The following ITPR1 variants were observed in gnomAD, a reference collection of about 807,000 sequenced individuals.
ITPR1 encodes inositol 1,4,5-trisphosphate receptor type 1, also known as inositol 1,4,5-trisphosphate-gated calcium channel ITPR1.
In ITPR1, 96 loss-of-function variants were observed where a neutral mutation model predicts 318.4. The ratio of observed to expected loss-of-function variants is 0.30; its 90% CI spans 0.26 to 0.36. The LOEUF (loss-of-function observed/expected upper bound fraction) is 0.36, where lower values mean the gene tolerates loss of function less well. ITPR1 is among the 10% of genes least tolerant of loss of function. The pLI is 1.00. For missense variants in ITPR1, 2,440 were observed against 3,460.2 expected (o/e 0.71, Z 7.40); for synonymous variants, 1,312 against 1,289.9 (o/e 1.02, Z -0.37).
intron 42 of ITPR1, among the ~76,000 whole-genome samples, chr3:4,730,053 CTTAAA>C (rs1027682231): frequency 2.7e-5 from 4 of 148,076 alleles, no homozygotes; most frequent in Non-Finnish European, 6.0e-5. Context: ...TTTAATTTTT[CTTAAA>C]TTAAACCACT....
chr3:4,749,930 T>C (rs1239590311), intron 44 of ITPR1: 1 of 152,786 alleles, frequency 6.5e-6, no homozygotes, highest in Non-Finnish European at 1.5e-5. Flanking sequence ...ACCTGATTTG[T>C]GTTTCCCTGT....
chr3:4,523,517 A>C lies in ITPR1; in HGVS notation c.163+2423A>C, dbSNP rs187254983. ...TTATTTGCTGTAGTCACTGTGTTGT[A>C]CAGTAGATCTCTGGAACTTATTCCT... On this transcript the variant is annotated intron_variant, in intron 4 of 61. Coordinates refer to ENST00000649015, the MANE Select transcript of ITPR1 (RefSeq NM_001378452.1). Among the ~76,000 whole-genome samples, 795 of 152,192 alleles carry C rather than the reference A, an allele frequency of 5.2e-3. 3 individuals are homozygous for C. Among genetic ancestry groups the C allele is most frequent in the Admixed American group, 9.4e-3 (143 of 15,286 alleles).
At chr3:4,762,568 A>C (rs930255474) in intron 44 of ITPR1, among the ~76,000 whole-genome samples, 1 of 152,206 alleles carries the variant, frequency 6.6e-6, no homozygotes, top group East Asian at 1.9e-4. Flanking sequence ...ATGTAATGGT[A>C]GTAGAAAAAC....
chr3:4,647,335 A>G (rs997490294), intron 10 of ITPR1, among the ~76,000 whole-genome samples: 1 of 152,190 alleles, frequency 6.6e-6, no homozygotes, highest in African/African-American at 2.4e-5. Context: ...ACTTCTGGCT[A>G]TTTCAAATAA....
chr3:4,798,013 C>G lies in ITPR1; in HGVS notation c.6932-2412C>G, dbSNP rs575890065. On this transcript the variant is annotated intron_variant, in intron 53 of 61. Coordinates refer to ENST00000649015, the MANE Select transcript of ITPR1 (RefSeq NM_001378452.1). ...AGAGTTGATTTTTTGGAATCTAGCA[C>G]TATGTTTTTTAACACTGCCGTTATA... Among the ~76,000 whole-genome samples the G allele has an allele frequency of 2.6e-5, 4 of 152,298 alleles. No individual in the cohort carries two copies. The South Asian group carries it at 8.3e-4, about 32-fold the overall frequency.
chr3:4,702,673 C>A (rs1198707552), intron 35 of ITPR1, among the ~76,000 whole-genome samples, 157 bp from the exon 36 acceptor site: 1 of 152,184 alleles, frequency 6.6e-6, no homozygotes, highest in African/African-American at 2.4e-5. Context: ...ATCCAGGCAT[C>A]CCCTCTCACC....
intron 4 of ITPR1, among the ~76,000 whole-genome samples, chr3:4,581,899 A>G (rs2089381993): frequency 6.6e-6 from 1 of 152,116 alleles, no homozygotes; most frequent in African/African-American, 2.4e-5. Flanking sequence ...CTTAAAAGAA[A>G]TAGTCTGTTT....
chr3:4,631,278 CACA>C (rs111501228), intron 5 of ITPR1, among the ~76,000 whole-genome samples: 3,067 of 152,286 alleles, frequency 0.02, 114 homozygotes, highest in African/African-American at 0.07. Context: ...GCTTGGTGCA[CACA>C]ATCACCAACC....
intron 14 of ITPR1, among the ~76,000 whole-genome samples, chr3:4,661,461 C>A (rs2093831126): frequency 1.3e-5 from 2 of 152,120 alleles, no homozygotes; most frequent in South Asian, 4.1e-4. Flanking sequence ...TTGTTTCTCT[C>A]TATATGTCAA....
intron 4 of ITPR1, among the ~76,000 whole-genome samples, chr3:4,523,476 A>C (rs1400991284): frequency 4.6e-5 from 7 of 152,018 alleles, no homozygotes; most frequent in Non-Finnish European, 4.4e-5. Context: ...GTGAGTTTCA[A>C]ATATACGGTG....
At chr3:4,585,550 T>A (rs1379845688) in intron 4 of ITPR1, among the ~76,000 whole-genome samples, 1 of 151,992 alleles carries the variant, frequency 6.6e-6, no homozygotes, top group African/African-American at 2.4e-5. Flanking sequence ...AGTTCTCCTG[T>A]CTCAGCCTCC....
chr3:4,732,032 T>G (rs940677713), intron 42 of ITPR1, among the ~76,000 whole-genome samples: 19 of 152,192 alleles, frequency 1.2e-4, no homozygotes, highest in Admixed American at 1.1e-3. Context: ...CTTGCTACTT[T>G]GATTCCGGAA....
intron 4 of ITPR1, among the ~76,000 whole-genome samples, chr3:4,537,803 G>A (rs1177143766): frequency 6.6e-6 from 1 of 152,204 alleles, no homozygotes; most frequent in African/African-American, 2.4e-5. Flanking sequence ...CCATGACTTT[G>A]AGAGAGTAGA....
In ITPR1 at chr3:4,493,416, G is replaced by A. The variant is rs2080290906; in HGVS notation, c.-282G>A. 2 of 154,844 alleles carry A rather than the reference G, an allele frequency of 1.3e-5. No individual in the cohort carries two copies. Among genetic ancestry groups the A allele is most frequent in the African/African-American group, 2.4e-5 (1 of 41,462 alleles). The allele number at this position is 154,844 out of a possible 1,614,324, so 9.6% of individuals were successfully genotyped here. A position where few individuals can be genotyped will look rare whatever the true frequency, so the allele number is the denominator to read the frequency against. On this transcript the variant is annotated 5_prime_UTR_variant, in exon 1 of 62. Coordinates refer to ENST00000649015, the MANE Select transcript of ITPR1 (RefSeq NM_001378452.1). ...CGCTGGGGTGGGAGGAGAGGAGGAG[G>A]AGGAGGTGGTGGTGGAGGAGGAGGC...
At chr3:4,529,076 A>G (rs1243843117) in intron 4 of ITPR1, among the ~76,000 whole-genome samples, 2 of 152,126 alleles carry the variant, frequency 1.3e-5, no homozygotes, top group East Asian at 3.9e-4. Context: ...GCTTCAAGCT[A>G]TGAGATGCAT....
intron 2 of ITPR1, among the ~76,000 whole-genome samples, chr3:4,511,855 G>A (rs1048282718): frequency 2.6e-5 from 4 of 152,192 alleles, no homozygotes; most frequent in African/African-American, 9.7e-5. Flanking sequence ...GTGAAAAGAA[G>A]CAAAGCCTTA....
At chr3:4,825,991 C>T (rs1256020943) in intron 60 of ITPR1, 2 of 356,460 alleles carry the variant, frequency 5.6e-6, no homozygotes, top group Non-Finnish European at 1.1e-5. Context: ...CTTTAAGGAA[C>T]TCAGAAGTTG....
chr3:4,741,590 C>T lies in ITPR1; in HGVS notation c.5544+6236C>T, dbSNP rs3805003. 4.0e-5 allele frequency among the ~76,000 whole-genome samples: 6 copies of T among 151,418 alleles called. No individual in the cohort carries two copies. The East Asian group carries it at 1.2e-3, about 30-fold the overall frequency. On this transcript the variant is annotated intron_variant, in intron 44 of 61. Coordinates refer to ENST00000649015, the MANE Select transcript of ITPR1 (RefSeq NM_001378452.1). The stretch of plus-strand genomic sequence containing the variant: ...TTGGCTTAAGAAATCAGCCCAAGAA[C>T]AAGTGTTAGATAGGAAATCTCACAT...
In ITPR1 at chr3:4,667,330, T is replaced by C. The variant is rs772404758; in HGVS notation, c.1714-47T>C. On this transcript the variant is annotated intron_variant, in intron 17 of 61. Transcript: ENST00000649015. The stretch of plus-strand genomic sequence containing the variant: ...TTTCTTTAGTCTACGCTTAACCATA[T>C]TGTCATTTATCCTTCCTACTGACGT... 19 of 1,436,712 alleles carry C rather than the reference T, an allele frequency of 1.3e-5. No individual in the cohort carries two copies. In the Admixed American group the frequency reaches 2.1e-4, roughly 16 times the overall value. 89.0% of individuals were successfully genotyped at this position (1,436,712 alleles called of 1,614,324 possible).
Sources: gnomAD v4.1 joint callset for allele counts (sites outside exome capture counted in the v4.1 genomes callset) on GRCh38, gnomAD v4.1.1 for gene constraint, MANE v1.5 for transcripts, NCBI Gene and HGNC (gene_info 2026-07-23, HGNC 2026-07-21) for gene names.